CC2D2A: variants seen among roughly 807,000 people sequenced by gnomAD.
CC2D2A encodes the protein coiled-coil and C2 domain containing 2A.
CC2D2A carries 155 observed loss-of-function variants against 212.9 expected under a neutral mutation model. The observed-to-expected ratio is 0.73, with a 90% CI of 0.64 to 0.83. CC2D2A has a LOEUF of 0.83. Ranked by LOEUF, CC2D2A falls within the 40% of genes least tolerant of loss-of-function variation. CC2D2A has a pLI of 0.00. For synonymous variants in CC2D2A, 667 were observed against 686.5 expected (o/e 0.97, Z 0.44); for missense variants, 1,856 against 1,956.2 (o/e 0.95, Z 0.97).
chr4:15,477,105 C>A (rs1457405340), intron 2 of CC2D2A, among the ~76,000 whole-genome samples: 1 of 152,060 alleles, frequency 6.6e-6, no homozygotes, highest in Non-Finnish European at 1.5e-5. Context: ...GAGTTCGAGA[C>A]CAGCCTGACC....
intron 21 of CC2D2A, among the ~76,000 whole-genome samples, chr4:15,558,358 C>A (rs1180051585): frequency 6.6e-6 from 1 of 152,088 alleles, no homozygotes; most frequent in Non-Finnish European, 1.5e-5. Flanking sequence ...TTTTGAACTA[C>A]CTTAGGCACC....
intron 5 of CC2D2A, 21 bp downstream of exon 5, chr4:15,502,538 A>G (rs1716016163): frequency 6.3e-7 from 1 of 1,581,250 alleles, no homozygotes; most frequent in Non-Finnish European, 8.6e-7. Context: ...CCACATGAAT[A>G]TTCTGTTCAG....
At chr4:15,512,529 T>G (rs371172018) in intron 8 of CC2D2A, among the ~76,000 whole-genome samples, 1 of 152,166 alleles carries the variant, frequency 6.6e-6, no homozygotes, top group Non-Finnish European at 1.5e-5. Flanking sequence ...GAAAGTAGAA[T>G]GGTGGTTGTC....
At chr4:15,561,245 A>G (rs369530576) in intron 23 of CC2D2A, among the ~76,000 whole-genome samples, 3 of 152,242 alleles carry the variant, frequency 2.0e-5, no homozygotes, top group African/African-American at 7.2e-5. Context: ...GATGAAAGAT[A>G]ATTTCCCATA....
Position 15,550,159 on chromosome 4 carries a change from G to T in CC2D2A, c.2182-665G>T, listed in dbSNP as rs116570409. Among the ~76,000 whole-genome samples, 367 of 152,292 alleles carry T rather than the reference G, an allele frequency of 2.4e-3. 2 individuals are homozygous for T. Among genetic ancestry groups the T allele is most frequent in the African/African-American group, 8.5e-3 (352 of 41,568 alleles). On this transcript the variant is annotated intron_variant, in intron 17 of 36. Coordinates refer to ENST00000424120, the MANE Select transcript of CC2D2A (RefSeq NM_001378615.1). The stretch of plus-strand genomic sequence containing the variant: ...GAGGCTGGATTGTGTATTCTTAAAC[G>T]ATGGTTGCCCTGCAATGGGGCCCTT...
intron 24 of CC2D2A, among the ~76,000 whole-genome samples, chr4:15,564,992 G>A (rs1719817197): frequency 6.6e-6 from 1 of 152,088 alleles, no homozygotes; most frequent in African/African-American, 2.4e-5. Context: ...ATATTTGTGT[G>A]TATGTGTGTC....
At chr4:15,583,285 G>A (rs972876056) in intron 30 of CC2D2A, among the ~76,000 whole-genome samples, 2 of 152,164 alleles carry the variant, frequency 1.3e-5, no homozygotes, top group African/African-American at 4.8e-5. Context: ...ACAAGACAAG[G>A]ATGCCCACTT....
chr4:15,504,596 C>T (rs1232337952), intron 6 of CC2D2A, among the ~76,000 whole-genome samples: 2 of 152,128 alleles, frequency 1.3e-5, no homozygotes, highest in Non-Finnish European at 2.9e-5. Context: ...CTCTCACTGT[C>T]CATGGGCCAC....
At chr4:15,525,304 G>A (rs556255642) in intron 11 of CC2D2A, among the ~76,000 whole-genome samples, 27 of 152,302 alleles carry the variant, frequency 1.8e-4, no homozygotes, top group African/African-American at 5.8e-4. Flanking sequence ...CCATAGGTAA[G>A]AGGCAAGGCA....
At chr4:15,505,302 T>C (rs945461318) in intron 6 of CC2D2A, among the ~76,000 whole-genome samples, 1 of 152,136 alleles carries the variant, frequency 6.6e-6, no homozygotes, top group Non-Finnish European at 1.5e-5. Flanking sequence ...CAAATGCAAA[T>C]CTCTAAGAAC....
intron 30 of CC2D2A, among the ~76,000 whole-genome samples, chr4:15,580,947 T>C (rs1720634696): frequency 6.6e-6 from 1 of 152,178 alleles, no homozygotes; most frequent in South Asian, 2.1e-4. Flanking sequence ...CATTCCAAAG[T>C]ACTTCCACAC....
intron 13 of CC2D2A, among the ~76,000 whole-genome samples, chr4:15,530,196 C>T (rs1376784930): frequency 6.6e-6 from 1 of 152,142 alleles, no homozygotes; most frequent in Non-Finnish European, 1.5e-5. Flanking sequence ...TGGTCTAGAT[C>T]TCCTGACCTC....
At chr4:15,495,493 G>A (rs1451957330) in intron 4 of CC2D2A, among the ~76,000 whole-genome samples, 1 of 152,176 alleles carries the variant, frequency 6.6e-6, no homozygotes, top group Non-Finnish European at 1.5e-5. Flanking sequence ...TTGGTTTTCT[G>A]TTCCTTCATT....
intron 2 of CC2D2A, among the ~76,000 whole-genome samples, chr4:15,477,958 T>A (rs370514292): frequency 1.5e-4 from 23 of 152,036 alleles, no homozygotes; most frequent in African/African-American, 5.6e-4. Context: ...AATCCTAATT[T>A]TAGGAAAAAA....
intron 26 of CC2D2A, 39 bp downstream of exon 26, chr4:15,567,825 T>C (rs758657659): frequency 6.4e-6 from 9 of 1,409,370 alleles, no homozygotes; most frequent in South Asian, 2.7e-5. Context: ...ATAGGACATT[T>C]TGAAGAAATG....
intron 21 of CC2D2A, among the ~76,000 whole-genome samples, 167 bp downstream of exon 21, chr4:15,557,674 C>T (rs1183203785): frequency 6.6e-6 from 1 of 152,082 alleles, no homozygotes; most frequent in African/African-American, 2.4e-5. Context: ...CTTGAATTCA[C>T]CATTTAAATA....
At chr4:15,524,537 G>A (rs1190602375) in intron 11 of CC2D2A, among the ~76,000 whole-genome samples, 15 of 141,698 alleles carry the variant, frequency 1.1e-4, no homozygotes, top group South Asian at 4.5e-4. Context: ...TGCAAGCTCC[G>A]CCTCCCGGGT....
intron 32 of CC2D2A, among the ~76,000 whole-genome samples, chr4:15,588,394 G>A (rs1402494535): frequency 6.6e-6 from 1 of 152,112 alleles, no homozygotes; most frequent in Non-Finnish European, 1.5e-5. Context: ...CAGATAAGGA[G>A]GAATGAAAAG....
Position 15,514,750 on chromosome 4 carries a change from T to A in CC2D2A, c.761T>A (p.Leu254Gln). The A allele has an allele frequency of 6.2e-7, 1 of 1,609,386 alleles. No homozygotes were observed. Among genetic ancestry groups the A allele is most frequent in the Non-Finnish European group, 8.5e-7 (1 of 1,176,572 alleles). Residue 254 changes from leucine (L) to glutamine (Q), a missense_variant, in exon 9 of 37, where the codon CTA (leucine) becomes CAA (glutamine). Coordinates refer to ENST00000424120, the MANE Select transcript of CC2D2A (RefSeq NM_001378615.1). ...LLNGDDAEDFLLGLDHVADDF... is the reference protein window; with the variant it reads ...LLNGDDAEDFQLGLDHVADDF... ...AATGGTGATGATGCCGAGGACTTCC[T>A]ATTGGGCTTAGATCACGTGGCTGAC...
Sources: allele counts gnomAD v4.1 joint callset (sites outside exome capture counted in the v4.1 genomes callset), GRCh38; gene constraint gnomAD v4.1.1; transcripts MANE v1.5; gene names NCBI Gene and HGNC (gene_info 2026-07-23, HGNC 2026-07-21).